Variants in FHIP1A observed in about 807,000 individuals in gnomAD.
FHIP1A encodes FHF complex subunit HOOK interacting protein 1A, also known as FHF complex subunit HOOK-interacting protein 1A.
FHIP1A carries 61 observed loss-of-function variants against 88.6 expected under a neutral mutation model. The observed-to-expected ratio is 0.69, with a 90% CI of 0.56 to 0.85. The LOEUF is 0.85. Ranked by LOEUF, FHIP1A falls within the 40% of genes least tolerant of loss-of-function variation. The pLI is 0.00. For synonymous variants in FHIP1A, 478 were observed against 496.0 expected (o/e 0.96, Z 0.48); for missense variants, 1,154 against 1,273.5 (o/e 0.91, Z 1.43).
intron 5 of FHIP1A, among the ~76,000 whole-genome samples, chr4:151,581,545 A>G (rs1287079125): frequency 1.3e-5 from 2 of 152,236 alleles, no homozygotes; most frequent in Non-Finnish European, 2.9e-5. Flanking sequence ...TGTACAGATC[A>G]TTAAAGTTGG....
At chr4:151,512,965 C>A (rs1160594999) in intron 3 of FHIP1A, among the ~76,000 whole-genome samples, 4 of 152,162 alleles carry the variant, frequency 2.6e-5, no homozygotes, top group Admixed American at 1.3e-4. Context: ...CACAAAGATA[C>A]TCCTCGAGAA....
Position 151,663,050 on chromosome 4 carries a change from C to G in FHIP1A, c.*296C>G, listed in dbSNP as rs1474303756. ...GTCATTCTCCTATCCCTTTGAGTTA[C>G]TCTTCTTGCAGCTCAGATCACGTCA... is the stretch of plus-strand genomic sequence containing the variant. On this transcript the variant is annotated 3_prime_UTR_variant, in exon 14 of 14. Coordinates refer to ENST00000435205, the MANE Select transcript of FHIP1A (RefSeq NM_001109977.3). 3.9e-6 allele frequency: 1 copy of G among 256,168 alleles called. No individual in the cohort carries two copies. The highest frequency in any genetic ancestry group is 8.1e-5 in the East Asian group (1 of 12,312). 15.9% of individuals were successfully genotyped at this position (256,168 alleles called of 1,614,324 possible). A position where few individuals can be genotyped will look rare whatever the true frequency, so the allele number is the denominator to read the frequency against.
intron 3 of FHIP1A, among the ~76,000 whole-genome samples, chr4:151,508,313 A>G (rs1183192317): frequency 6.6e-6 from 1 of 152,210 alleles, no homozygotes; most frequent in Non-Finnish European, 1.5e-5. Context: ...TTGGGGAGAA[A>G]GATTCGTGGG....
chr4:151,568,632 G>A (rs1285968815), intron 4 of FHIP1A, among the ~76,000 whole-genome samples: 1 of 152,076 alleles, frequency 6.6e-6, no homozygotes, highest in Non-Finnish European at 1.5e-5. Flanking sequence ...GCCTTGGTCT[G>A]GGCTTTAAAA....
chr4:151,552,592 C>T (rs146433622), intron 3 of FHIP1A, among the ~76,000 whole-genome samples: 21 of 152,020 alleles, frequency 1.4e-4, no homozygotes, highest in Admixed American at 1.2e-3. Flanking sequence ...AACCAAATAC[C>T]GCATTTCTCA....
At chr4:151,577,050 C>G (rs1346434879) in intron 4 of FHIP1A, 1 of 159,540 alleles carries the variant, frequency 6.3e-6, no homozygotes, top group Non-Finnish European at 1.4e-5. Flanking sequence ...TTACATACGT[C>G]TTTGACATAA....
At chr4:151,541,878 C>T (rs1465889548) in intron 3 of FHIP1A, among the ~76,000 whole-genome samples, 3 of 152,162 alleles carry the variant, frequency 2.0e-5, no homozygotes. Context: ...TCACTTACTA[C>T]AGTACGCCTT....
intron 3 of FHIP1A, among the ~76,000 whole-genome samples, chr4:151,511,718 CAGTG>C (rs1208501511): frequency 6.6e-6 from 1 of 152,234 alleles, no homozygotes; most frequent in African/African-American, 2.4e-5. Flanking sequence ...TGCAAGGTGT[CAGTG>C]AGGCTGGGGG....
At chr4:151,543,802 A>G (rs1414743262) in intron 3 of FHIP1A, among the ~76,000 whole-genome samples, 1 of 151,866 alleles carries the variant, frequency 6.6e-6, no homozygotes, top group Non-Finnish European at 1.5e-5. Flanking sequence ...GTTTCCTTCT[A>G]ATTTTTTATA....
At chr4:151,646,163 A>AGG (rs1736784346) in intron 9 of FHIP1A, among the ~76,000 whole-genome samples, 1 of 152,188 alleles carries the variant, frequency 6.6e-6, no homozygotes. Context: ...AGCATAGTGG[A>AGG]GGGAGGGATT....
At chr4:151,630,054 G>A (rs778212682) in intron 8 of FHIP1A, among the ~76,000 whole-genome samples, 185 bp downstream of exon 8, 3 of 151,884 alleles carry the variant, frequency 2.0e-5, no homozygotes, top group African/African-American at 4.8e-5. Context: ...GGAATAATGC[G>A]TTTTGTTCTC....
At chr4:151,651,311 G>T (rs573709437) in intron 11 of FHIP1A, among the ~76,000 whole-genome samples, 1 of 152,366 alleles carries the variant, frequency 6.6e-6, no homozygotes, top group South Asian at 2.1e-4. Context: ...GAGGAATTAT[G>T]ATAGAAAACA....
At chr4:151,654,171 T>C (rs1737142081) in intron 11 of FHIP1A, among the ~76,000 whole-genome samples, 1 of 152,134 alleles carries the variant, frequency 6.6e-6, no homozygotes, top group Non-Finnish European at 1.5e-5. Flanking sequence ...GATGAGTCAT[T>C]TCATTAGCAG....
chr4:151,657,947 C>T (rs992513553), intron 13 of FHIP1A, among the ~76,000 whole-genome samples: 6 of 152,240 alleles, frequency 3.9e-5, no homozygotes, highest in Non-Finnish European at 8.8e-5. Context: ...TGTTCTCCAT[C>T]TCTTAGGTGC....
At chr4:151,518,634 T>TA in intron 3 of FHIP1A, among the ~76,000 whole-genome samples, 1 of 79,720 alleles carries the variant, frequency 1.3e-5, no homozygotes, top group African/African-American at 4.9e-5. Context: ...TAACTATCCA[T>TA]TTCCCTCCCT....
intron 1 of FHIP1A, among the ~76,000 whole-genome samples, chr4:151,431,382 T>C (rs985347235): frequency 1.3e-5 from 2 of 152,160 alleles, no homozygotes; most frequent in Non-Finnish European, 2.9e-5. Flanking sequence ...TGCGCTTACA[T>C]TTGCATTAAG....
At chr4:151,596,943 C>G (rs979287337) in intron 7 of FHIP1A, among the ~76,000 whole-genome samples, 1 of 151,968 alleles carries the variant, frequency 6.6e-6, no homozygotes, top group African/African-American at 2.4e-5. Flanking sequence ...TTTCAAGGTT[C>G]TTAGCTTCCT....
intron 3 of FHIP1A, among the ~76,000 whole-genome samples, chr4:151,564,712 A>C (rs1264577969): frequency 6.6e-6 from 1 of 152,174 alleles, no homozygotes; most frequent in Non-Finnish European, 1.5e-5. Flanking sequence ...GTTTTCCTGG[A>C]GTATGTGATT....
chr4:151,645,255 G>T (rs1319959710), intron 9 of FHIP1A, among the ~76,000 whole-genome samples: 1 of 152,110 alleles, frequency 6.6e-6, no homozygotes, highest in Admixed American at 6.5e-5. Flanking sequence ...TACCTAGATG[G>T]TTTGCTTTTT....
Sources: gnomAD v4.1 joint callset for allele counts (sites outside exome capture counted in the v4.1 genomes callset) on GRCh38, gnomAD v4.1.1 for gene constraint, MANE v1.5 for transcripts, NCBI Gene and HGNC (gene_info 2026-07-23, HGNC 2026-07-21) for gene names.